FAF1: variants seen among roughly 807,000 people sequenced by gnomAD.
The protein encoded by FAF1 is FAS-associated factor 1.
In FAF1, 25 loss-of-function variants were observed where a neutral mutation model predicts 92.5. The observed-to-expected ratio is 0.27, with a 90% CI of 0.20 to 0.38. The LOEUF (loss-of-function observed/expected upper bound fraction) is 0.38, where lower values mean the gene tolerates loss of function less well. Ranked by LOEUF, FAF1 falls within the 10% of genes least tolerant of loss-of-function variation. The pLI is 1.00. For missense variants in FAF1, 636 were observed against 793.3 expected (o/e 0.80, Z 2.38); for synonymous variants, 234 against 273.2 (o/e 0.86, Z 1.42).
intron 8 of FAF1, among the ~76,000 whole-genome samples, chr1:50,608,061 G>A (rs1467734845): frequency 6.6e-6 from 1 of 152,246 alleles, no homozygotes; most frequent in African/African-American, 2.4e-5. Context: ...CATAGGCAGT[G>A]TGCTCAGAGT....
At chr1:50,833,699 C>G (rs1168208371) in intron 2 of FAF1, among the ~76,000 whole-genome samples, 2 of 152,044 alleles carry the variant, frequency 1.3e-5, no homozygotes, top group Admixed American at 6.5e-5. Flanking sequence ...AGAGGCCCAC[C>G]AAGAGTAGAC....
At chr1:50,658,548 G>A (rs1655228655) in intron 7 of FAF1, among the ~76,000 whole-genome samples, 1 of 152,160 alleles carries the variant, frequency 6.6e-6, no homozygotes, top group Non-Finnish European at 1.5e-5. Flanking sequence ...TGAAAAGCAT[G>A]TCCTGGCTAT....
intron 2 of FAF1, among the ~76,000 whole-genome samples, chr1:50,819,892 T>C (rs1230251070): frequency 1.4e-5 from 2 of 146,390 alleles, no homozygotes; most frequent in African/African-American, 2.5e-5. Flanking sequence ...TATGTAAATA[T>C]ATTTATATAT....
chr1:50,554,086 G>A (rs1649436592), intron 13 of FAF1, among the ~76,000 whole-genome samples: 1 of 150,738 alleles, frequency 6.6e-6, no homozygotes. Context: ...TTTGTTCCTT[G>A]AACAAAAGGT....
At chr1:50,493,451 A>G (rs1272586715) in intron 15 of FAF1, among the ~76,000 whole-genome samples, 5 of 152,202 alleles carry the variant, frequency 3.3e-5, no homozygotes, top group Non-Finnish European at 1.5e-5. Flanking sequence ...TATATTTTAA[A>G]TGGGGGAAAT....
chr1:50,831,772 T>C (rs1180601174), intron 2 of FAF1, among the ~76,000 whole-genome samples: 1 of 135,276 alleles, frequency 7.4e-6, no homozygotes, highest in Non-Finnish European at 1.5e-5. Context: ...TTATGGTAGA[T>C]CCTAGAACCC....
At chr1:50,586,665 G>A (rs766056676) in intron 9 of FAF1, among the ~76,000 whole-genome samples, 8 of 152,114 alleles carry the variant, frequency 5.3e-5, no homozygotes, top group East Asian at 1.9e-4. Context: ...TAGTTTGTTC[G>A]TAGATCTAAG....
At chr1:50,655,808 C>T (rs1239865776) in intron 7 of FAF1, among the ~76,000 whole-genome samples, 1 of 152,116 alleles carries the variant, frequency 6.6e-6, no homozygotes, top group Non-Finnish European at 1.5e-5. Flanking sequence ...AGTCAAGAAA[C>T]TTCAGGCACC....
intron 1 of FAF1, among the ~76,000 whole-genome samples, chr1:50,899,091 A>G (rs1644776951): frequency 6.6e-6 from 1 of 151,994 alleles, no homozygotes; most frequent in Non-Finnish European, 1.5e-5. Context: ...GGAATTCACT[A>G]GTATACAAGT....
At position 50,790,272 on chromosome 1, in the gene FAF1, G is replaced by T. The variant is rs1029274802; in HGVS notation, c.162-2067C>A. Among the ~76,000 whole-genome samples, 11 of 152,070 alleles carry T rather than the reference G, an allele frequency of 7.2e-5. No individual in the cohort carries two copies. In the East Asian group the frequency reaches 2.1e-3, roughly 29 times the overall value. On this transcript the variant is annotated intron_variant, in intron 3 of 18. Transcript: ENST00000396153. ...TTCTCCTACCTCAGCCTCCTGAGTA[G>T]CTGGGACTACAGGTGTGCGCCACCA... is the stretch of plus-strand genomic sequence containing the variant.
chr1:50,567,799 G>A (rs1475968981), intron 12 of FAF1, among the ~76,000 whole-genome samples: 3 of 152,174 alleles, frequency 2.0e-5, no homozygotes, highest in South Asian at 4.1e-4. Context: ...TTATCAGCAT[G>A]TGACATGTAA....
At chr1:50,485,019 G>A (rs1646747281) in intron 17 of FAF1, among the ~76,000 whole-genome samples, 1 of 151,392 alleles carries the variant, frequency 6.6e-6, no homozygotes, top group Admixed American at 6.6e-5. Context: ...ACGAGTTAAT[G>A]GGTGCAGCAC....
chr1:50,728,785 C>T (rs1339819964), intron 6 of FAF1, among the ~76,000 whole-genome samples: 6 of 144,474 alleles, frequency 4.2e-5, no homozygotes, highest in East Asian at 2.0e-4. Context: ...AGCCAGACTC[C>T]GTCTCAAAAA....
At chr1:50,617,693 G>GTTTTT (rs61376152) in intron 8 of FAF1, among the ~76,000 whole-genome samples, 6 of 119,176 alleles carry the variant, frequency 5.0e-5, no homozygotes, top group African/African-American at 1.2e-4. Flanking sequence ...CTCCTCTTCT[G>GTTTTT]TTTTTTTTTT....
At chr1:50,910,376 A>G (rs1462222814) in intron 1 of FAF1, among the ~76,000 whole-genome samples, 1 of 152,008 alleles carries the variant, frequency 6.6e-6, no homozygotes. Context: ...TCAGATCTCA[A>G]ACTCTGTGCT....
chr1:50,784,933 A>G (rs570422312), intron 4 of FAF1, among the ~76,000 whole-genome samples: 1 of 152,280 alleles, frequency 6.6e-6, no homozygotes, highest in East Asian at 1.9e-4. Context: ...TGTGGAAAGG[A>G]TAGTTTCTTC....
At chr1:50,947,884 CCAT>C (rs1418508925) in intron 1 of FAF1, among the ~76,000 whole-genome samples, 2 of 152,090 alleles carry the variant, frequency 1.3e-5, no homozygotes, top group African/African-American at 4.8e-5. Context: ...TCCATTTGTA[CCAT>C]AACAGCCTAA....
intron 13 of FAF1, among the ~76,000 whole-genome samples, chr1:50,559,650 A>C (rs1345075475): frequency 6.6e-6 from 1 of 152,212 alleles, no homozygotes; most frequent in Non-Finnish European, 1.5e-5. Flanking sequence ...TGATCTTGAC[A>C]TTCTGTTAAG....
At chr1:50,793,033 A>G (rs1661619045) in intron 3 of FAF1, among the ~76,000 whole-genome samples, 1 of 152,102 alleles carries the variant, frequency 6.6e-6, no homozygotes, top group African/African-American at 2.4e-5. Context: ...CGAACTGAGC[A>G]TGGTATTTTT....
Sources: allele counts gnomAD v4.1 joint callset (sites outside exome capture counted in the v4.1 genomes callset), GRCh38; gene constraint gnomAD v4.1.1; transcripts MANE v1.5; gene names NCBI Gene and HGNC (gene_info 2026-07-23, HGNC 2026-07-21).